Variants in DPM1 observed in about 807,000 individuals in gnomAD.
DPM1 encodes the protein dolichol-phosphate mannosyltransferase subunit 1.
Under a neutral mutation model 39.0 loss-of-function variants are expected in DPM1, and 27 were observed. The observed-to-expected ratio is 0.69, with a 90% CI of 0.51 to 0.95. The LOEUF (loss-of-function observed/expected upper bound fraction) is 0.95. DPM1 is among the 40% of genes least tolerant of loss of function. DPM1 has a pLI of 0.00. For missense variants in DPM1, 307 were observed against 315.6 expected, an observed-to-expected ratio of 0.97 and a Z score of 0.21; for synonymous variants, 124 against 109.0, an observed-to-expected ratio of 1.14 and a Z score of -0.86.
intron 5 of DPM1, among the ~76,000 whole-genome samples, chr20:50,945,462 G>T (rs1309136727): frequency 6.6e-6 from 1 of 151,986 alleles, no homozygotes; most frequent in South Asian, 2.1e-4. Flanking sequence ...CACCTGAGCC[G>T]CCTGAGTAGC....
intron 5 of DPM1, chr20:50,944,244 T>C (rs1986118911): frequency 2.0e-5 from 3 of 152,242 alleles, no homozygotes; most frequent in Admixed American, 2.0e-4. Flanking sequence ...CACAGTTATT[T>C]TGTGTTTATT....
chr20:50,954,820 C>T (rs1395215967), intron 2 of DPM1, among the ~76,000 whole-genome samples: 1 of 152,056 alleles, frequency 6.6e-6, no homozygotes, highest in African/African-American at 2.4e-5. Flanking sequence ...GAATACTTAC[C>T]GAAAGGGAGC....
chr20:50,941,265 A>ATATATATATATAT (rs1985749255), intron 6 of DPM1: 16 of 107,322 alleles, frequency 1.5e-4, no homozygotes, highest in African/African-American at 3.2e-4. Flanking sequence ...TATATATATA[A>ATATATATATATAT]ATAAAATACA....
intron 2 of DPM1, among the ~76,000 whole-genome samples, chr20:50,948,985 A>T (rs1421588503): frequency 2.0e-5 from 3 of 151,860 alleles, no homozygotes; most frequent in African/African-American, 7.3e-5. Context: ...CTCAGCCTCC[A>T]GAGTAGCTGG....
chr20:50,941,724 C>T (rs1985844699), intron 6 of DPM1, among the ~76,000 whole-genome samples: 1 of 151,990 alleles, frequency 6.6e-6, no homozygotes, highest in African/African-American at 2.4e-5. Flanking sequence ...TGGGGAGAAA[C>T]CCTACATATT....
intron 5 of DPM1, 65 bp from the exon 6 acceptor site, chr20:50,942,191 C>G: frequency 1.4e-6 from 2 of 1,404,840 alleles, no homozygotes; most frequent in Non-Finnish European, 2.0e-6. Context: ...TTTTCATGAG[C>G]TACACAAACA....
chr20:50,943,740 A>ATTT (rs141377879), intron 5 of DPM1, among the ~76,000 whole-genome samples: 7 of 125,878 alleles, frequency 5.6e-5, no homozygotes, highest in Admixed American at 4.8e-4. Flanking sequence ...AAGCCTGAGT[A>ATTT]TTTTTTTTTT....
chr20:50,935,705 C>T (rs191898302), intron 8 of DPM1, among the ~76,000 whole-genome samples: 6 of 152,306 alleles, frequency 3.9e-5, no homozygotes, highest in South Asian at 2.1e-4. Context: ...GTCTTCCCTA[C>T]CCTAAGAGCT....
chr20:50,951,329 G>A (rs565043405), intron 2 of DPM1, among the ~76,000 whole-genome samples: 32 of 152,290 alleles, frequency 2.1e-4, no homozygotes, highest in African/African-American at 7.7e-4. Flanking sequence ...CGCCAAGACA[G>A]AATTAGAAGT....
At chr20:50,950,399 C>T (rs919308377) in intron 2 of DPM1, among the ~76,000 whole-genome samples, 1 of 152,170 alleles carries the variant, frequency 6.6e-6, no homozygotes, top group African/African-American at 2.4e-5. Flanking sequence ...TTGCAAGTCA[C>T]TGAACAAAAT....
At chr20:50,945,595 T>G in intron 5 of DPM1, 142 bp downstream of exon 5, 1 of 850,778 alleles carries the variant, frequency 1.2e-6, no homozygotes, top group Non-Finnish European at 1.8e-6. Flanking sequence ...CCTCCTACCC[T>G]GACTTCCCAA....
Position 50,948,609 on chromosome 20 carries a change from T to A in DPM1, c.295+20A>T. 1.9e-6 allele frequency: 3 copies of A among 1,612,746 alleles called. No individual in the cohort carries two copies. Among genetic ancestry groups the A allele is most frequent in the Non-Finnish European group, 2.5e-6 (3 of 1,178,858 alleles). Reference sequence around the variant, plus strand: ...CCAAGCAAGCAGCAGGTGTGAGGGGTTAGAGATTACACGACTTACCTAGTC... The same window carrying A: ...CCAAGCAAGCAGCAGGTGTGAGGGGATAGAGATTACACGACTTACCTAGTC... On this transcript the variant is annotated intron_variant, in intron 3 of 8. Coordinates refer to ENST00000371588, the MANE Select transcript of DPM1 (RefSeq NM_003859.3).
rs527603898 is a variant in DPM1, at chr20:50,938,708, A to C, written c.563+2157T>G. 2.5e-4 allele frequency among the ~76,000 whole-genome samples: 36 copies of C among 145,458 alleles called. No homozygotes were observed. The South Asian group carries it at 9.0e-3, about 36-fold the overall frequency. ...TTAAAAAATTTTTTGGGCTGGGTGC[A>C]GTGGCTCATGCCTGTAATCCCAGCA... On this transcript the variant is annotated intron_variant, in intron 7 of 8. Coordinates refer to ENST00000371588, the MANE Select transcript of DPM1 (RefSeq NM_003859.3).
intron 5 of DPM1, among the ~76,000 whole-genome samples, chr20:50,945,315 T>TGTGTGC (rs1214970661): frequency 8.2e-6 from 1 of 121,452 alleles, no homozygotes; most frequent in Non-Finnish European, 1.7e-5. Flanking sequence ...TGTGTGTGTG[T>TGTGTGC]GTGTGTGTCT....
At chr20:50,943,880 C>A (rs1355335466) in intron 5 of DPM1, among the ~76,000 whole-genome samples, 1 of 151,938 alleles carries the variant, frequency 6.6e-6, no homozygotes, top group Non-Finnish European at 1.5e-5. Flanking sequence ...GCTGGGACTA[C>A]AGGTGCACAC....
At chr20:50,942,003 A>C (rs1199608936) in intron 6 of DPM1, 28 bp downstream of exon 6, 3 of 1,551,648 alleles carry the variant, frequency 1.9e-6, no homozygotes, top group African/African-American at 1.4e-5. Flanking sequence ...AGTTATACTA[A>C]TAAAGAAGTT....
intron 2 of DPM1, 104 bp from the exon 3 acceptor site, chr20:50,948,766 T>A: frequency 9.4e-7 from 1 of 1,067,202 alleles, no homozygotes; most frequent in Non-Finnish European, 1.4e-6. Flanking sequence ...GAAATATAGT[T>A]GCACTTGTTA....
At chr20:50,957,286 T>C (rs903212010) in intron 1 of DPM1, among the ~76,000 whole-genome samples, 2 of 152,238 alleles carry the variant, frequency 1.3e-5, no homozygotes, top group Non-Finnish European at 1.5e-5. Flanking sequence ...ACAGGCACTC[T>C]GAAGAATGGA....
At chr20:50,950,612 T>C (rs1241784285) in intron 2 of DPM1, among the ~76,000 whole-genome samples, 1 of 152,208 alleles carries the variant, frequency 6.6e-6, no homozygotes, top group Non-Finnish European at 1.5e-5. Context: ...CTCACACCTG[T>C]AATCCCAGCA....
Sources: gnomAD v4.1 joint callset for allele counts (sites outside exome capture counted in the v4.1 genomes callset) on GRCh38, gnomAD v4.1.1 for gene constraint, MANE v1.5 for transcripts, NCBI Gene and HGNC (gene_info 2026-07-23, HGNC 2026-07-21) for gene names.